The following HS3ST1 variants were observed in gnomAD, a reference collection of about 807,000 sequenced individuals.
HS3ST1 encodes the protein heparan sulfate-glucosamine 3-sulfotransferase 1.
In HS3ST1, 8 loss-of-function variants were observed where a neutral mutation model predicts 20.7. The observed-to-expected ratio is 0.39, with a 90% CI of 0.23 to 0.70. HS3ST1 has a LOEUF of 0.70. HS3ST1 is among the 30% of genes least tolerant of loss of function. The pLI is 0.46. For synonymous variants in HS3ST1, 205 were observed against 190.4 expected (o/e 1.08, Z -0.63); for missense variants, 436 against 423.4 (o/e 1.03, Z -0.26).
intron 1 of HS3ST1, among the ~76,000 whole-genome samples, chr4:11,423,021 CAAAAAAAAA>C (rs71181101): frequency 2.0e-4 from 7 of 34,386 alleles, no homozygotes; most frequent in Admixed American, 5.2e-4. Flanking sequence ...GAGACACCGT[CAAAAAAAAA>C]AAAAAAAAAA....
Position 11,397,170 on chromosome 4 carries a change from C to CCT in HS3ST1, c.*1910_*1911dup, listed in dbSNP as rs1486697297. Reference sequence around the variant, plus strand: ...ATGTGCTGCAGAGGGAGGCTCTCTGCCTATTGAAAAGTACCATGTCCACCA... The same window carrying CCT: ...ATGTGCTGCAGAGGGAGGCTCTCTGCCTCTATTGAAAAGTACCATGTCCACCA... On this transcript the variant is annotated 3_prime_UTR_variant, in exon 2 of 2. Transcript: ENST00000002596. 1 of 152,192 alleles carries CCT rather than the reference C, an allele frequency of 6.6e-6. No individual in the cohort carries two copies. The highest frequency in any genetic ancestry group is 6.5e-5 in the Admixed American group (1 of 15,280). The allele number at this position is 152,192 out of a possible 1,614,324, so 9.4% of individuals were successfully genotyped here.
rs1005211408 is a variant in HS3ST1 at position 11,398,332 on chromosome 4, C to T, written c.*750G>A. Reference sequence around the variant, plus strand: ...TGGCTTTCTGGAGGCCAGCTGCCACCTGGGGCAAAGTATCCAGGTCCAAGA... The same window carrying T: ...TGGCTTTCTGGAGGCCAGCTGCCACTTGGGGCAAAGTATCCAGGTCCAAGA... On this transcript the variant is annotated 3_prime_UTR_variant, in exon 2 of 2. Coordinates refer to ENST00000002596, the MANE Select transcript of HS3ST1 (RefSeq NM_005114.4). The T allele has an allele frequency of 1.3e-5, 2 of 152,320 alleles. No individual in the cohort carries two copies. Among genetic ancestry groups the T allele is most frequent in the East Asian group, 3.9e-4 (2 of 5,188 alleles). 9.4% of individuals were successfully genotyped at this position (152,320 alleles called of 1,614,324 possible).
rs1370256836 is a variant in HS3ST1, at chr4:11,398,660, G to T, written c.*422C>A. 6.5e-6 allele frequency: 1 copy of T among 153,764 alleles called. No homozygotes were observed. The highest frequency in any genetic ancestry group is 1.4e-5 in the Non-Finnish European group (1 of 69,210). 9.5% of individuals were successfully genotyped at this position (153,764 alleles called of 1,614,324 possible). On this transcript the variant is annotated 3_prime_UTR_variant, in exon 2 of 2. Coordinates refer to ENST00000002596, the MANE Select transcript of HS3ST1 (RefSeq NM_005114.4). ...AGAGCAATGCAGAAAGGAGAGGGGA[G>T]AGAGAGGATTGTAATAGCCATGAAA...
At chr4:11,413,561 C>T (rs1048874372) in intron 1 of HS3ST1, among the ~76,000 whole-genome samples, 3 of 152,148 alleles carry the variant, frequency 2.0e-5, no homozygotes, top group East Asian at 1.9e-4. Flanking sequence ...AATAAATGTA[C>T]GGTGCATCAG....
rs79152529 is a variant in HS3ST1, at chr4:11,427,549, A to G, written c.-109+1150T>C. On this transcript the variant is annotated intron_variant, in intron 1 of 1. Transcript: ENST00000002596. ...AAGCATCTTGGCACAAGTTGTAGAT[A>G]AAAATAGCTCATGATAACATTGTGG... Among the ~76,000 whole-genome samples, 1,264 of 152,346 alleles carry G rather than the reference A, an allele frequency of 8.3e-3. 13 individuals are homozygous for G. The highest frequency in any genetic ancestry group is 0.013 in the Non-Finnish European group (863 of 68,026).
rs756922415 is a variant in HS3ST1, at chr4:11,399,716, C to A, written c.290G>T (p.Ser97Ile). The change falls in exon 2 of 2, where the codon AGC becomes ATC. Residue 97 changes from serine (S) to isoleucine (I), a missense_variant. Physicochemically the swap from Ser to Ile is moderately radical, Grantham distance 142. Transcript: ENST00000002596. The surrounding 1 kb of genome is among the most constrained non-coding windows in gnomAD (Gnocchi z 5.1). ...GCTGAGGTACCAGCCCAAGCCGTGGCTGTAATGCTCCTCCCAGTCGAAGAA... is the reference window on the plus strand; with the variant it reads ...GCTGAGGTACCAGCCCAAGCCGTGGATGTAATGCTCCTCCCAGTCGAAGAA... ...VHFFDWEEHY[S>I]HGLGWYLSQM... is the part of the protein sequence containing the mutation. 3.1e-6 allele frequency: 5 copies of A among 1,613,924 alleles called. No individual in the cohort carries two copies. Among genetic ancestry groups the A allele is most frequent in the Non-Finnish European group, 4.2e-6 (5 of 1,180,030 alleles).
intron 1 of HS3ST1, among the ~76,000 whole-genome samples, chr4:11,404,941 G>A (rs907002847): frequency 6.6e-6 from 1 of 152,242 alleles, no homozygotes; most frequent in Non-Finnish European, 1.5e-5. Flanking sequence ...GAGAAATGAA[G>A]TCTTGTGTCT....
chr4:11,402,781 C>G (rs980427651), intron 1 of HS3ST1, among the ~76,000 whole-genome samples: 8 of 152,198 alleles, frequency 5.3e-5, no homozygotes, highest in Admixed American at 4.6e-4. Context: ...TATTATCTGA[C>G]TGTTTATGCT....
At chr4:11,429,632 G>A (rs1245032333), upstream of HS3ST1, 1 of 100,160 alleles carries the variant, frequency 1.0e-5, no homozygotes, top group Non-Finnish European at 2.0e-5. Context: ...AGGAGAGCGC[G>A]GAAAATTCAG....
intron 1 of HS3ST1, among the ~76,000 whole-genome samples, chr4:11,422,554 G>C (rs143688915): frequency 2.0e-5 from 3 of 152,170 alleles, no homozygotes; most frequent in African/African-American, 4.8e-5. Context: ...GCAGAGACTC[G>C]GTTATTTATC....
chr4:11,402,585 G>C (rs901815588), intron 1 of HS3ST1, among the ~76,000 whole-genome samples: 16 of 152,220 alleles, frequency 1.1e-4, no homozygotes, highest in African/African-American at 3.4e-4. Context: ...ATGCATGTGT[G>C]TGTGTGTGTG....
chr4:11,419,674 G>A (rs1193141015), intron 1 of HS3ST1, among the ~76,000 whole-genome samples: 2 of 152,096 alleles, frequency 1.3e-5, no homozygotes, highest in South Asian at 2.1e-4. Flanking sequence ...AAAAGAAAAA[G>A]TAGGGGCCTT....
intron 1 of HS3ST1, among the ~76,000 whole-genome samples, chr4:11,404,474 T>A (rs575369320): frequency 1.3e-5 from 2 of 152,348 alleles, no homozygotes; most frequent in African/African-American, 4.8e-5. Context: ...GCAATTGAGT[T>A]AGAGAGCACA....
intron 1 of HS3ST1, among the ~76,000 whole-genome samples, chr4:11,415,689 A>G (rs890134708): frequency 6.6e-6 from 1 of 152,256 alleles, no homozygotes; most frequent in Non-Finnish European, 1.5e-5. Context: ...AAAAAGCAGA[A>G]TAAAAAGCCT....
upstream of HS3ST1, among the ~76,000 whole-genome samples, chr4:11,432,844 C>T (rs890704352): frequency 6.6e-6 from 1 of 152,204 alleles, no homozygotes. Context: ...TTCCTTCCAA[C>T]TCAGCTCACC....
chr4:11,420,859 A>AT (rs1478101488), intron 1 of HS3ST1, among the ~76,000 whole-genome samples: 119 of 152,314 alleles, frequency 7.8e-4, no homozygotes, highest in African/African-American at 2.6e-3. Context: ...TTTCACCTTG[A>AT]AGACAACACT....
intron 1 of HS3ST1, among the ~76,000 whole-genome samples, chr4:11,405,787 A>G (rs1718449024): frequency 6.6e-6 from 1 of 152,198 alleles, no homozygotes; most frequent in Non-Finnish European, 1.5e-5. Context: ...AAGCAATGAA[A>G]TAACCCTTCA....
At chr4:11,401,269 TGTG>T (rs750497318) in intron 1 of HS3ST1, among the ~76,000 whole-genome samples, 14 of 152,036 alleles carry the variant, frequency 9.2e-5, no homozygotes, top group Non-Finnish European at 1.8e-4. Context: ...CTATTGATAA[TGTG>T]GTCTCATACT....
intron 1 of HS3ST1, among the ~76,000 whole-genome samples, chr4:11,423,753 A>G (rs1718992943): frequency 6.6e-6 from 1 of 152,194 alleles, no homozygotes; most frequent in South Asian, 2.1e-4. Context: ...ACAGAGGTTC[A>G]CTCTGTAAAC....
Sources: allele counts gnomAD v4.1 joint callset (sites outside exome capture counted in the v4.1 genomes callset), GRCh38; gene constraint gnomAD v4.1.1; non-coding constraint Gnocchi (gnomAD v3.1); transcripts MANE v1.5; gene names NCBI Gene and HGNC (gene_info 2026-07-23, HGNC 2026-07-21).